NTM: variants seen among roughly 807,000 people sequenced by gnomAD.
NTM encodes the protein IgLON family member 2.
A neutral mutation model predicts 42.1 loss-of-function variants in NTM; 13 were observed. The observed-to-expected ratio is 0.31, with a 90% CI of 0.20 to 0.49. The LOEUF (loss-of-function observed/expected upper bound fraction) is 0.49, where lower values mean the gene tolerates loss of function less well. NTM is among the 20% of genes least tolerant of loss of function. The probability of loss-of-function intolerance (pLI) is 0.99; values close to 1 mark genes in which losing one functional copy is unlikely to be tolerated. For missense variants in NTM, 373 were observed against 452.8 expected (o/e 0.82, Z 1.60); for synonymous variants, 187 against 179.2 (o/e 1.04, Z -0.35).
At chr11:131,542,784 GAAGA>G (rs1468504559) in intron 1 of NTM, among the ~76,000 whole-genome samples, 2 of 152,156 alleles carry the variant, frequency 1.3e-5, no homozygotes, top group Non-Finnish European at 2.9e-5. Context: ...GGGAGGGAAG[GAAGA>G]AAGAGCCTCT....
chr11:131,751,768 C>G (rs1044317607), intron 1 of NTM, among the ~76,000 whole-genome samples: 3 of 147,310 alleles, frequency 2.0e-5, no homozygotes, highest in South Asian at 2.2e-4. Context: ...CCCCCTCACC[C>G]CCCCCCAAAA....
In NTM at chr11:131,377,406, G is replaced by T. The variant is rs563782463; in HGVS notation, c.82+6518G>T. 3.3e-5 allele frequency among the ~76,000 whole-genome samples: 5 copies of T among 152,266 alleles called. No individual in the cohort carries two copies. The South Asian group carries it at 1.0e-3, about 32-fold the overall frequency. Reference sequence around the variant, plus strand: ...ATGCCCTGACTTCTGCACAGAACTGGAGGGCCAAGAAGATAAAAGGAGAAT... The same window carrying T: ...ATGCCCTGACTTCTGCACAGAACTGTAGGGCCAAGAAGATAAAAGGAGAAT... On this transcript the variant is annotated intron_variant, in intron 1 of 8. Coordinates refer to ENST00000683400, the MANE Select transcript of NTM (RefSeq NM_001352005.2).
intron 2 of NTM, among the ~76,000 whole-genome samples, chr11:131,933,951 C>T (rs1261003560): frequency 1.4e-4 from 22 of 152,106 alleles, no homozygotes. Flanking sequence ...CCGTGACCAT[C>T]CCAATTTTAA....
At chr11:132,075,655 T>C (rs1219745416) in intron 2 of NTM, among the ~76,000 whole-genome samples, 1 of 152,166 alleles carries the variant, frequency 6.6e-6, no homozygotes, top group African/African-American at 2.4e-5. Context: ...ATAATTGCAG[T>C]CTACACAGAA....
At chr11:131,508,681 T>C (rs2047823239) in intron 1 of NTM, among the ~76,000 whole-genome samples, 1 of 150,876 alleles carries the variant, frequency 6.6e-6, no homozygotes, top group Non-Finnish European at 1.5e-5. Context: ...GTGGCACATA[T>C]ACACCATGGA....
chr11:131,850,870 G>A (rs2045452075), intron 1 of NTM, among the ~76,000 whole-genome samples: 1 of 152,204 alleles, frequency 6.6e-6, no homozygotes, highest in African/African-American at 2.4e-5. Context: ...AGAAGAAGAG[G>A]CAGCAGGTTA....
intron 1 of NTM, among the ~76,000 whole-genome samples, chr11:131,792,189 A>G (rs1314959203): frequency 6.6e-6 from 1 of 152,236 alleles, no homozygotes; most frequent in East Asian, 1.9e-4. Context: ...ACAGTCATGT[A>G]CCTCATAAAT....
chr11:131,800,293 AAAC>A (rs2091993063), intron 1 of NTM, among the ~76,000 whole-genome samples: 1 of 152,184 alleles, frequency 6.6e-6, no homozygotes, highest in African/African-American at 2.4e-5. Context: ...ATTTTACTGA[AAAC>A]AAACCAAGCA....
intron 1 of NTM, among the ~76,000 whole-genome samples, chr11:131,811,530 C>A (rs1269726157): frequency 1.3e-5 from 2 of 152,124 alleles, no homozygotes; most frequent in Admixed American, 1.3e-4. Context: ...GAAGCTACCC[C>A]AAGCAGGTTT....
At chr11:131,828,399 TCAG>T (rs1291588205) in intron 1 of NTM, among the ~76,000 whole-genome samples, 1 of 151,978 alleles carries the variant, frequency 6.6e-6, no homozygotes, top group African/African-American at 2.4e-5. Flanking sequence ...TCACTCATCA[TCAG>T]CATCACTACC....
chr11:132,291,571 C>G (rs552030871), intron 4 of NTM, among the ~76,000 whole-genome samples: 1 of 152,132 alleles, frequency 6.6e-6, no homozygotes, highest in East Asian at 1.9e-4. Flanking sequence ...TTGCCATAAA[C>G]CTGAATGTTC....
chr11:132,214,204 C>A lies in NTM; in HGVS notation c.526+2057C>A, dbSNP rs549250006. Among the ~76,000 whole-genome samples, 6 of 152,308 alleles carry A rather than the reference C, an allele frequency of 3.9e-5. No individual in the cohort carries two copies. The South Asian group carries it at 1.2e-3, about 32-fold the overall frequency. The stretch of plus-strand genomic sequence containing the variant: ...TGATGGAAAATGGCCCTGGGCCCTT[C>A]TGAAGGAGGGGCCATTCAGACAGGT... On this transcript the variant is annotated intron_variant, in intron 4 of 8. Transcript: ENST00000683400.
chr11:132,137,453 C>A (rs1008176736), intron 2 of NTM, among the ~76,000 whole-genome samples: 7 of 152,228 alleles, frequency 4.6e-5, no homozygotes, highest in Non-Finnish European at 7.3e-5. Context: ...GGTTCCCTGC[C>A]TGCTCTTTGT....
rs1941066051 is a variant in NTM at position 131,370,900 on chromosome 11, C to G, written c.82+12C>G. 6.2e-7 allele frequency: 1 copy of G among 1,613,614 alleles called. No homozygotes were observed. The highest frequency in any genetic ancestry group is 8.5e-7 in the Non-Finnish European group (1 of 1,179,878). Reference sequence around the variant, plus strand: ...GTGTCTCTTCCAAGGTAAGAGCTTGCTATTGATTTGCCTTCGGTAGACCCA... The same window carrying G: ...GTGTCTCTTCCAAGGTAAGAGCTTGGTATTGATTTGCCTTCGGTAGACCCA... On this transcript the variant is annotated intron_variant, in intron 1 of 8. Transcript: ENST00000683400.
chr11:131,833,902 C>T (rs779416668), intron 1 of NTM, among the ~76,000 whole-genome samples: 9 of 152,124 alleles, frequency 5.9e-5, no homozygotes, highest in East Asian at 1.9e-4. Flanking sequence ...ATCTTCATTT[C>T]GAAGTCTTTT....
chr11:132,010,031 G>A (rs2071746861), intron 2 of NTM, among the ~76,000 whole-genome samples: 1 of 152,142 alleles, frequency 6.6e-6, no homozygotes, highest in Admixed American at 6.5e-5. Flanking sequence ...TGAAGAAAAT[G>A]GACAGACAAT....
In NTM at chr11:131,417,134, T is replaced by C. The variant is rs1465862990; in HGVS notation, c.82+46246T>C. Among the ~76,000 whole-genome samples the C allele has an allele frequency of 3.3e-5, 5 of 152,228 alleles. No homozygotes were observed. The East Asian group carries it at 9.6e-4, about 29-fold the overall frequency. On this transcript the variant is annotated intron_variant, in intron 1 of 8. Transcript: ENST00000683400. Reference sequence around the variant, plus strand: ...TCTTTCCATTAATCTGAATCACAGCTTAAACTCATAGTTATCCTGACAACC... The same window carrying C: ...TCTTTCCATTAATCTGAATCACAGCCTAAACTCATAGTTATCCTGACAACC...
At chr11:132,249,005 C>T (rs764743422) in intron 4 of NTM, among the ~76,000 whole-genome samples, 9 of 152,184 alleles carry the variant, frequency 5.9e-5, no homozygotes, top group Non-Finnish European at 1.3e-4. Flanking sequence ...CATGGATGCT[C>T]GTTCAGCTGC....
chr11:131,723,462 G>A (rs1449510235), intron 1 of NTM, among the ~76,000 whole-genome samples: 1 of 152,240 alleles, frequency 6.6e-6, no homozygotes, highest in Non-Finnish European at 1.5e-5. Context: ...TAAACACGTA[G>A]CAAATAAAAA....
Sources: gnomAD v4.1 joint callset for allele counts (sites outside exome capture counted in the v4.1 genomes callset) on GRCh38, gnomAD v4.1.1 for gene constraint, MANE v1.5 for transcripts, NCBI Gene and HGNC (gene_info 2026-07-23, HGNC 2026-07-21) for gene names.